The following DZIP3 variants were observed in gnomAD, a reference collection of about 807,000 sequenced individuals.
DZIP3 encodes the protein E3 ubiquitin-protein ligase DZIP3.
In DZIP3, 118 loss-of-function variants were observed where a neutral mutation model predicts 162.0. That is an observed-to-expected ratio of 0.73 (90% CI 0.63 to 0.85). The LOEUF is 0.85. Ranked by LOEUF, DZIP3 falls within the 40% of genes least tolerant of loss-of-function variation. DZIP3 has a pLI of 0.00. For missense variants in DZIP3, 1,331 were observed against 1,407.0 expected (o/e 0.95, Z 0.86); for synonymous variants, 438 against 458.6 (o/e 0.96, Z 0.57).
At chr3:108,631,055 A>ACACACACACACACACACACACTCTCTCT in intron 8 of DZIP3, among the ~76,000 whole-genome samples, 7 of 18,008 alleles carry the variant, frequency 3.9e-4, no homozygotes, top group Non-Finnish European at 3.6e-4. Flanking sequence ...ACACACACAC[A>ACACACACACACACACACACACTCTCTCT]CTCTCTCTCT....
chr3:108,677,082 A>C (rs1423905983), intron 25 of DZIP3, among the ~76,000 whole-genome samples: 1 of 152,128 alleles, frequency 6.6e-6, no homozygotes, highest in Non-Finnish European at 1.5e-5. Flanking sequence ...TTTTAAAATG[A>C]ACATTTGCAA....
At position 108,610,207 on chromosome 3, in the gene DZIP3, G is replaced by A. The variant is rs190534911; in HGVS notation, c.103-967G>A. On this transcript the variant is annotated intron_variant, in intron 3 of 32. Transcript: ENST00000361582. ...AGGTATATTTGTGGAATATAGATGGGGATGGAGGAATCTTAATTTAGTACT... is the reference window on the plus strand; with the variant it reads ...AGGTATATTTGTGGAATATAGATGGAGATGGAGGAATCTTAATTTAGTACT... Among the ~76,000 whole-genome samples the A allele has an allele frequency of 1.3e-3, 201 of 152,196 alleles. 1 individual carries two copies. Among genetic ancestry groups the A allele is most frequent in the Admixed American group, 3.0e-3 (46 of 15,284 alleles).
chr3:108,661,672 G>A (rs569765519), intron 19 of DZIP3, among the ~76,000 whole-genome samples: 102 of 151,996 alleles, frequency 6.7e-4, no homozygotes, highest in Non-Finnish European at 1.2e-3. Context: ...TGCCGGTAGT[G>A]GTATCCAGCA....
rs78349660 is a variant in DZIP3, at chr3:108,684,513, A to G, written c.3009+172A>G. 6.8e-3 allele frequency among the ~76,000 whole-genome samples: 1,040 copies of G among 152,236 alleles called. 5 individuals carry two copies. The highest frequency in any genetic ancestry group is 0.024 in the African/African-American group (982 of 41,558). On this transcript the variant is annotated intron_variant, in intron 27 of 32. Coordinates refer to ENST00000361582, the MANE Select transcript of DZIP3 (RefSeq NM_014648.4). The stretch of plus-strand genomic sequence containing the variant: ...GCACTGTGCTCAGGGTGTTACATAT[A>G]TTATTTAACTGATACTAGCTTCGTT...
At chr3:108,625,711 T>A (rs1385529178) in intron 6 of DZIP3, 134 bp from the exon 7 acceptor site, 1 of 816,970 alleles carries the variant, frequency 1.2e-6, no homozygotes, top group African/African-American at 1.8e-5. Context: ...GGATTCAGAA[T>A]GTGAATAAAT....
At position 108,608,026 on chromosome 3, in the gene DZIP3, T is replaced by G; in HGVS notation, c.33-63T>G. Reference sequence around the variant, plus strand: ...ATAATTCAATTGTTAGATTCTTTACTACTACAATTTGTGTTCTTTGTGAGA... The same window carrying G: ...ATAATTCAATTGTTAGATTCTTTACGACTACAATTTGTGTTCTTTGTGAGA... On this transcript the variant is annotated intron_variant, in intron 2 of 32. Coordinates refer to ENST00000361582, the MANE Select transcript of DZIP3 (RefSeq NM_014648.4). The G allele has an allele frequency of 9.8e-6, 13 of 1,327,542 alleles. No homozygotes were observed. The South Asian group carries it at 1.4e-4, about 15-fold the overall frequency. The allele number at this position is 1,327,542 out of a possible 1,614,324, so 82.2% of individuals were successfully genotyped here.
At chr3:108,597,003 C>T (rs963956038) in intron 1 of DZIP3, among the ~76,000 whole-genome samples, 1 of 152,138 alleles carries the variant, frequency 6.6e-6, no homozygotes, top group African/African-American at 2.4e-5. Flanking sequence ...TAAAATAATT[C>T]AAATGCTAAT....
intron 2 of DZIP3, among the ~76,000 whole-genome samples, chr3:108,606,571 T>G (rs761561746): frequency 6.6e-6 from 1 of 152,204 alleles, no homozygotes; most frequent in Non-Finnish European, 1.5e-5. Flanking sequence ...AAAGTAACAT[T>G]TGAACTGATC....
chr3:108,652,154 A>G (rs1942896431), intron 18 of DZIP3, among the ~76,000 whole-genome samples: 2 of 151,844 alleles, frequency 1.3e-5, no homozygotes, highest in African/African-American at 2.4e-5. Flanking sequence ...GTGGATCCAA[A>G]TCTGGATGAT....
intron 21 of DZIP3, among the ~76,000 whole-genome samples, chr3:108,663,956 A>G (rs1239154821): frequency 6.6e-6 from 1 of 151,876 alleles, no homozygotes; most frequent in East Asian, 1.9e-4. Flanking sequence ...GGATAAAATT[A>G]CATAAAACAG....
intron 19 of DZIP3, among the ~76,000 whole-genome samples, chr3:108,660,749 G>A (rs1408322205): frequency 3.3e-5 from 5 of 151,418 alleles, no homozygotes; most frequent in African/African-American, 9.7e-5. Flanking sequence ...TCTGACAAAG[G>A]GCTAATATCC....
chr3:108,662,662 C>G (rs1272687054), intron 21 of DZIP3, among the ~76,000 whole-genome samples: 1 of 152,100 alleles, frequency 6.6e-6, no homozygotes, highest in Non-Finnish European at 1.5e-5. Context: ...GTGTTCTAAG[C>G]CTGCGAGATT....
intron 4 of DZIP3, among the ~76,000 whole-genome samples, chr3:108,614,637 G>C (rs895512185): frequency 6.6e-6 from 1 of 151,802 alleles, no homozygotes; most frequent in South Asian, 2.1e-4. Flanking sequence ...TTTTTTTCTA[G>C]AACAGGAGAA....
chr3:108,686,234 G>A (rs757157230), intron 27 of DZIP3, among the ~76,000 whole-genome samples: 2 of 152,134 alleles, frequency 1.3e-5, no homozygotes, highest in Non-Finnish European at 2.9e-5. Flanking sequence ...GATTGTGTAT[G>A]CCAGTATTCT....
At chr3:108,685,480 C>T (rs1020825851) in intron 27 of DZIP3, among the ~76,000 whole-genome samples, 7 of 152,106 alleles carry the variant, frequency 4.6e-5, no homozygotes, top group Non-Finnish European at 8.8e-5. Context: ...TAGAGCCTTA[C>T]ATAAAAGGTG....
At position 108,654,309 on chromosome 3, in the gene DZIP3, AG is replaced by A; in HGVS notation, c.2199+1del. 1 of 1,613,560 alleles carries A rather than the reference AG, an allele frequency of 6.2e-7. No homozygotes were observed. The highest frequency in any genetic ancestry group is 1.3e-5 in the African/African-American group (1 of 75,032). The part of the protein sequence containing the change: ...DELHILDMIE[Q>X]GSAGKVTTDY... ...TTGCATATTCTGGACATGATAGAGCAGGTAAGCATGATTAGAGAGGGTGCCT... is the reference window on the plus strand; with the variant it reads ...TTGCATATTCTGGACATGATAGAGCAGTAAGCATGATTAGAGAGGGTGCCT... On this transcript the variant is annotated frameshift_variant and splice_region_variant, in exon 19 of 33. Transcript: ENST00000361582. LOFTEE classifies it high-confidence loss of function.
intron 4 of DZIP3, 140 bp downstream of exon 4, chr3:108,611,469 T>A: frequency 9.8e-7 from 1 of 1,021,750 alleles, no homozygotes; most frequent in Non-Finnish European, 1.4e-6. Context: ...AGGGCTTTGT[T>A]GTCAACCTTG....
chr3:108,683,946 A>T (rs990645919), intron 26 of DZIP3, among the ~76,000 whole-genome samples: 3 of 152,204 alleles, frequency 2.0e-5, no homozygotes, highest in African/African-American at 7.2e-5. Flanking sequence ...TTCCAAGGTT[A>T]TTCAGCTACG....
chr3:108,671,269 G>C (rs974201289), intron 22 of DZIP3, among the ~76,000 whole-genome samples: 1 of 151,572 alleles, frequency 6.6e-6, no homozygotes, highest in Non-Finnish European at 1.5e-5. Context: ...TATTTATAAT[G>C]TACTGTTATC....
Sources: gnomAD v4.1 joint callset for allele counts (sites outside exome capture counted in the v4.1 genomes callset) on GRCh38, gnomAD v4.1.1 for gene constraint, MANE v1.5 for transcripts, NCBI Gene and HGNC (gene_info 2026-07-23, HGNC 2026-07-21) for gene names.